The following DOCK9 variants were observed in gnomAD, a reference collection of about 807,000 sequenced individuals.
The protein encoded by DOCK9 is dedicator of cytokinesis protein 9.
In DOCK9, 89 loss-of-function variants were observed where a neutral mutation model predicts 263.3. That is an observed-to-expected ratio of 0.34 (90% CI 0.28 to 0.40). DOCK9 has a LOEUF of 0.40. Ranked by LOEUF, DOCK9 falls within the 10% of genes least tolerant of loss-of-function variation. DOCK9 has a pLI of 1.00. For synonymous variants in DOCK9, 976 were observed against 973.1 expected (o/e 1.00, Z -0.06); for missense variants, 2,140 against 2,603.4 (o/e 0.82, Z 3.87).
chr13:98,946,988 C>T (rs1356842215), intron 2 of DOCK9, among the ~76,000 whole-genome samples: 2 of 152,234 alleles, frequency 1.3e-5, no homozygotes, highest in Admixed American at 6.5e-5. Context: ...GTCATGCTCT[C>T]GGCCCCTTTC....
intron 48 of DOCK9, among the ~76,000 whole-genome samples, chr13:98,807,228 G>A (rs554576128): frequency 6.6e-6 from 1 of 152,306 alleles, no homozygotes; most frequent in East Asian, 1.9e-4. Flanking sequence ...CACGCTGCTG[G>A]TGAGTTCATT....
At chr13:98,898,579 T>C (rs1379614555) in intron 13 of DOCK9, among the ~76,000 whole-genome samples, 1 of 152,228 alleles carries the variant, frequency 6.6e-6, no homozygotes, top group Non-Finnish European at 1.5e-5. Context: ...GTGCTACTTA[T>C]TATAAGTCTA....
intron 15 of DOCK9, among the ~76,000 whole-genome samples, chr13:98,892,111 C>G (rs147513305): frequency 2.4e-3 from 371 of 152,166 alleles, no homozygotes; most frequent in African/African-American, 8.3e-3. Context: ...TAAAATTACA[C>G]GAATTAAGTA....
intron 35 of DOCK9, 78 bp from the exon 36 acceptor site, chr13:98,850,191 A>C (rs2093521178): frequency 4.5e-6 from 5 of 1,107,988 alleles, no homozygotes; most frequent in Admixed American, 3.1e-5. Context: ...GAAAATGGGA[A>C]GGAACCTTGG....
chr13:98,882,110 A>G lies in DOCK9; in HGVS notation c.2560-103T>C. 3.2e-6 allele frequency: 3 copies of G among 948,354 alleles called. No individual in the cohort carries two copies. In the East Asian group the frequency reaches 7.9e-5, roughly 25 times the overall value. The allele number at this position is 948,354 out of a possible 1,614,324, so 58.7% of individuals were successfully genotyped here. A position where few individuals can be genotyped will look rare whatever the true frequency, so the allele number is the denominator to read the frequency against. On this transcript the variant is annotated intron_variant, in intron 23 of 52. Coordinates refer to ENST00000682017, the MANE Select transcript of DOCK9 (RefSeq NM_001366683.2). Reference sequence around the variant, plus strand: ...CAAGGATGGAAGAACTCCCTCTAAAACAAAGGGAAGGCTGTGGTGGGCAGA... The same window carrying G: ...CAAGGATGGAAGAACTCCCTCTAAAGCAAAGGGAAGGCTGTGGTGGGCAGA...
At chr13:99,071,886 G>C (rs1463803976) in intron 1 of DOCK9, among the ~76,000 whole-genome samples, 1 of 152,140 alleles carries the variant, frequency 6.6e-6, no homozygotes. Context: ...TTTTCTGGCA[G>C]TGCCTCTTCT....
intron 9 of DOCK9, among the ~76,000 whole-genome samples, chr13:98,905,050 C>G (rs1253707101): frequency 2.0e-5 from 3 of 152,172 alleles, no homozygotes; most frequent in Non-Finnish European, 4.4e-5. Context: ...GGGGCAGAAT[C>G]GAGCTGAACA....
upstream of DOCK9, among the ~76,000 whole-genome samples, chr13:98,981,036 T>C (rs1337596300): frequency 2.6e-5 from 4 of 152,046 alleles, no homozygotes; most frequent in African/African-American, 9.7e-5. Context: ...ATATATCAAG[T>C]TGTAAAGCAA....
chr13:99,031,849 G>A (rs1252410444), intron 1 of DOCK9, among the ~76,000 whole-genome samples: 1 of 152,142 alleles, frequency 6.6e-6, no homozygotes, highest in African/African-American at 2.4e-5. Context: ...GTAAATTCAA[G>A]GGCTGATGTC....
At chr13:98,895,999 C>T (rs751266806) in intron 15 of DOCK9, among the ~76,000 whole-genome samples, 1 of 152,160 alleles carries the variant, frequency 6.6e-6, no homozygotes, top group Non-Finnish European at 1.5e-5. Flanking sequence ...CAGGCCTCAT[C>T]CTTCACCAGT....
chr13:98,977,451 A>G (rs1311075562), intron 1 of DOCK9, among the ~76,000 whole-genome samples: 1 of 152,152 alleles, frequency 6.6e-6, no homozygotes, highest in Admixed American at 6.5e-5. Flanking sequence ...TCTTTTTTCA[A>G]CCCTATAGTT....
intron 34 of DOCK9, among the ~76,000 whole-genome samples, chr13:98,855,025 C>T (rs1305913618): frequency 1.3e-5 from 2 of 152,226 alleles, no homozygotes; most frequent in African/African-American, 4.8e-5. Context: ...TGATACCAAT[C>T]TACCATGGCT....
At chr13:98,831,931 T>C (rs1339407619) in intron 39 of DOCK9, 145 bp from the exon 40 acceptor site, 1 of 977,176 alleles carries the variant, frequency 1.0e-6, no homozygotes, top group African/African-American at 1.6e-5. Flanking sequence ...TCTAGGAAAG[T>C]ACAGAATTCT....
intron 1 of DOCK9, among the ~76,000 whole-genome samples, chr13:98,983,692 C>A (rs1376737008): frequency 1.8e-4 from 27 of 151,724 alleles, no homozygotes; most frequent in African/African-American, 6.5e-4. Flanking sequence ...CCTCGGCTCA[C>A]TGCAACCTCT....
chr13:98,833,695 C>T (rs565719424), intron 39 of DOCK9, among the ~76,000 whole-genome samples: 8 of 152,272 alleles, frequency 5.3e-5, no homozygotes, highest in South Asian at 4.1e-4. Context: ...TTTAAAAAGA[C>T]GTAAATAACC....
At chr13:98,900,058 G>T (rs188444545) in intron 13 of DOCK9, among the ~76,000 whole-genome samples, 1 of 152,304 alleles carries the variant, frequency 6.6e-6, no homozygotes, top group Admixed American at 6.5e-5. Flanking sequence ...CCAAAACTGT[G>T]CTAAAGTAAG....
At chr13:98,864,129 C>T (rs1309023897) in intron 30 of DOCK9, among the ~76,000 whole-genome samples, 2 of 152,144 alleles carry the variant, frequency 1.3e-5, no homozygotes, top group African/African-American at 4.8e-5. Context: ...GAATGAAGAA[C>T]TTATTTAATG....
chr13:98,964,217 T>G lies in DOCK9; in HGVS notation c.127-8666A>C, dbSNP rs2058969502. Among the ~76,000 whole-genome samples, 3 of 152,180 alleles carry G rather than the reference T, an allele frequency of 2.0e-5. 1 individual carries two copies. The South Asian group carries it at 6.2e-4, about 32-fold the overall frequency. ...GGACCAGGAGTGGCATCTGGCCCAC[T>G]AGAAGGAACCCAACCTTTGCCCAGC... On this transcript the variant is annotated intron_variant, in intron 1 of 52. Coordinates refer to ENST00000682017, the MANE Select transcript of DOCK9 (RefSeq NM_001366683.2).
intron 1 of DOCK9, among the ~76,000 whole-genome samples, chr13:99,071,306 C>CTGTTTTTTTTTT (rs2041662835): frequency 2.0e-5 from 1 of 49,320 alleles, no homozygotes; most frequent in Non-Finnish European, 3.4e-5. Flanking sequence ...CCATGCCTGG[C>CTGTTTTTTTTTT]TTTTTTTTTT....
Sources: allele counts gnomAD v4.1 joint callset (sites outside exome capture counted in the v4.1 genomes callset), GRCh38; gene constraint gnomAD v4.1.1; transcripts MANE v1.5; gene names NCBI Gene and HGNC (gene_info 2026-07-23, HGNC 2026-07-21).